FNDC3A: variants seen among roughly 807,000 people sequenced by gnomAD.
FNDC3A encodes fibronectin type III domain containing 3A.
A neutral mutation model predicts 148.9 loss-of-function variants in FNDC3A; 32 were observed. That is an observed-to-expected ratio of 0.21 (90% CI 0.16 to 0.29). FNDC3A has a LOEUF of 0.29. Among genes scored for constraint, FNDC3A ranks in the 10% least tolerant of loss-of-function variants. The probability of loss-of-function intolerance (pLI) is 1.00; values close to 1 mark genes in which losing one functional copy is unlikely to be tolerated. For missense variants in FNDC3A, 1,191 were observed against 1,452.8 expected (o/e 0.82, Z 2.93); for synonymous variants, 472 against 473.6 (o/e 1.00, Z 0.04).
In FNDC3A at chr13:48,987,153, A is replaced by G. The variant is rs146919326; in HGVS notation, c.-40+10976A>G. 2.1e-3 allele frequency among the ~76,000 whole-genome samples: 318 copies of G among 152,356 alleles called. 1 individual carries two copies. The highest frequency in any genetic ancestry group is 7.1e-3 in the African/African-American group (295 of 41,588). Reference sequence around the variant, plus strand: ...TAATACTTCTAAAAAGGACAGTAAAATATTTGGAAGTGAAAATAGGATTGT... The same window carrying G: ...TAATACTTCTAAAAAGGACAGTAAAGTATTTGGAAGTGAAAATAGGATTGT... On this transcript the variant is annotated intron_variant, in intron 1 of 25. Coordinates refer to ENST00000492622, the MANE Select transcript of FNDC3A (RefSeq NM_001079673.2).
chr13:48,992,209 A>G (rs1398597096), intron 1 of FNDC3A, among the ~76,000 whole-genome samples: 1 of 152,228 alleles, frequency 6.6e-6, no homozygotes, highest in Non-Finnish European at 1.5e-5. Flanking sequence ...AAATTTCTTA[A>G]AACAGGAGAA....
At chr13:49,035,061 C>CT (rs1284962226) in intron 2 of FNDC3A, among the ~76,000 whole-genome samples, 1 of 152,036 alleles carries the variant, frequency 6.6e-6, no homozygotes, top group Non-Finnish European at 1.5e-5. Flanking sequence ...ATTCTAATTA[C>CT]TGTAAAGTCC....
At chr13:49,164,771 G>A (rs376041327) in intron 8 of FNDC3A, among the ~76,000 whole-genome samples, 278 of 152,138 alleles carry the variant, frequency 1.8e-3, no homozygotes, top group African/African-American at 6.2e-3. Context: ...ACCACCGGCC[G>A]GCTAATTTTT....
chr13:49,006,164 A>G lies in FNDC3A; in HGVS notation c.-27A>G. On this transcript the variant is annotated 5_prime_UTR_variant, in exon 2 of 26. Transcript: ENST00000492622. ...GTTTGTTTTTCAGAATTGGAGCGTT[A>G]TTCAGTATATTAATGTCTTATTGAT... 2.4e-6 allele frequency: 3 copies of G among 1,262,388 alleles called. No homozygotes were observed. Among genetic ancestry groups the G allele is most frequent in the Non-Finnish European group, 3.5e-6 (3 of 869,420 alleles). 78.2% of individuals were successfully genotyped at this position (1,262,388 alleles called of 1,614,324 possible). A position where few individuals can be genotyped will look rare whatever the true frequency, so the allele number is the denominator to read the frequency against.
At position 49,106,529 on chromosome 13, in the gene FNDC3A, A is replaced by G. The variant is rs544750375; in HGVS notation, c.176-8126A>G. 2.5e-4 allele frequency among the ~76,000 whole-genome samples: 38 copies of G among 152,208 alleles called. No homozygotes were observed. The South Asian group carries it at 7.9e-3, about 32-fold the overall frequency. On this transcript the variant is annotated intron_variant, in intron 3 of 25. Transcript: ENST00000492622. ...GGGGTCTCACTATGTTGTCAAGTCT[A>G]GTCTTGAACTCCTGGGCTCAAGTGA...
At chr13:49,110,397 G>C (rs753997409) in intron 3 of FNDC3A, 1 of 1,601,922 alleles carries the variant, frequency 6.2e-7, no homozygotes, top group South Asian at 1.1e-5. Context: ...CTGTAAAAAC[G>C]AAATGAGTGG....
intron 2 of FNDC3A, among the ~76,000 whole-genome samples, chr13:49,022,911 C>T (rs974393650): frequency 6.6e-6 from 1 of 151,978 alleles, no homozygotes; most frequent in Admixed American, 6.5e-5. Context: ...CATAAAAAGC[C>T]TTATGCTCAA....
chr13:48,975,664 A>G (rs1951584196), upstream of FNDC3A: 1 of 152,186 alleles, frequency 6.6e-6, no homozygotes, highest in Admixed American at 6.5e-5. Flanking sequence ...GCCTGGCCAC[A>G]GCGGATGCTA....
intron 19 of FNDC3A, among the ~76,000 whole-genome samples, chr13:49,195,565 GT>G: frequency 6.6e-6 from 1 of 152,012 alleles, no homozygotes; most frequent in Non-Finnish European, 1.5e-5. Context: ...CCTTCTTAAG[GT>G]TTTTTACCAA....
intron 2 of FNDC3A, among the ~76,000 whole-genome samples, chr13:49,016,993 A>G (rs1232223292): frequency 6.6e-6 from 1 of 151,764 alleles, no homozygotes; most frequent in Non-Finnish European, 1.5e-5. Context: ...CTGTTCTTTT[A>G]CATTTGCTGA....
rs770854742 is a variant in FNDC3A at position 49,136,543 on chromosome 13, A to G, written c.702A>G (p.Ser234=). ...GQIAGGINTG[S]AKIKSGKGKG... ...TTGCTGGTGGTATAAACACAGGATC[A>G]GCAAAAATCAAGTCTGGGAAGGGGA... is the stretch of plus-strand genomic sequence containing the variant. The change falls in exon 6 of 26, where the codon TCA becomes TCG. Residue 234 remains serine, a synonymous_variant. Transcript: ENST00000492622. The G allele has an allele frequency of 1.9e-6, 3 of 1,614,028 alleles. No homozygotes were observed. Among genetic ancestry groups the G allele is most frequent in the Non-Finnish European group, 1.7e-6 (2 of 1,179,992 alleles).
intron 2 of FNDC3A, among the ~76,000 whole-genome samples, chr13:49,008,898 A>G (rs917522236): frequency 4.6e-5 from 7 of 150,700 alleles, no homozygotes; most frequent in African/African-American, 1.7e-4. Context: ...AGACAGTACA[A>G]AGTTCTCACA....
chr13:49,194,510 C>G (rs1886053542), intron 19 of FNDC3A, among the ~76,000 whole-genome samples: 1 of 152,146 alleles, frequency 6.6e-6, no homozygotes, highest in African/African-American at 2.4e-5. Context: ...AAAGCATATT[C>G]TCTAGCAGTT....
chr13:49,096,139 C>G (rs1281137615), intron 3 of FNDC3A, among the ~76,000 whole-genome samples: 1 of 152,076 alleles, frequency 6.6e-6, no homozygotes. Context: ...GTGCTCCTGA[C>G]TGTGGTTATG....
intron 8 of FNDC3A, among the ~76,000 whole-genome samples, chr13:49,166,872 T>C (rs1309542378): frequency 6.6e-6 from 1 of 152,216 alleles, no homozygotes; most frequent in Non-Finnish European, 1.5e-5. Flanking sequence ...TGTAAAAAAT[T>C]GGCAATTTTG....
chr13:49,091,727 C>T (rs1298735551), intron 3 of FNDC3A, among the ~76,000 whole-genome samples: 1 of 152,200 alleles, frequency 6.6e-6, no homozygotes, highest in African/African-American at 2.4e-5. Context: ...GCCATAGGTG[C>T]AGGCTGGGGG....
intron 1 of FNDC3A, among the ~76,000 whole-genome samples, chr13:48,990,030 G>A (rs558277728): frequency 9.9e-5 from 15 of 152,168 alleles, no homozygotes; most frequent in Admixed American, 7.2e-4. Flanking sequence ...GATTATAGGC[G>A]TGAACCACCG....
chr13:49,114,868 T>C (rs1880831167), intron 4 of FNDC3A, 137 bp downstream of exon 4: 1 of 684,796 alleles, frequency 1.5e-6, no homozygotes, highest in Non-Finnish European at 2.6e-6. Context: ...ATAAATCTAT[T>C]TCAAGTATTT....
chr13:49,061,047 T>C (rs981895608), intron 2 of FNDC3A, among the ~76,000 whole-genome samples: 13 of 152,136 alleles, frequency 8.5e-5, no homozygotes, highest in Admixed American at 2.0e-4. Flanking sequence ...GATTATAATA[T>C]TGATTTTTAA....
Sources: gnomAD v4.1 joint callset for allele counts (sites outside exome capture counted in the v4.1 genomes callset) on GRCh38, gnomAD v4.1.1 for gene constraint, MANE v1.5 for transcripts, NCBI Gene and HGNC (gene_info 2026-07-23, HGNC 2026-07-21) for gene names.